The following TBC1D5 variants were observed in gnomAD, a reference collection of about 807,000 sequenced individuals.
The protein encoded by TBC1D5 is TBC1 domain family, member 5.
TBC1D5 carries 75 observed loss-of-function variants against 100.3 expected under a neutral mutation model. That is an observed-to-expected ratio of 0.75 (90% CI 0.62 to 0.91). The LOEUF (loss-of-function observed/expected upper bound fraction) is 0.91. Among genes scored for constraint, TBC1D5 ranks in the 40% least tolerant of loss-of-function variants. The pLI is 0.00. For synonymous variants in TBC1D5, 323 were observed against 325.6 expected (o/e 0.99, Z 0.09); for missense variants, 910 against 942.4 (o/e 0.97, Z 0.45).
intron 4 of TBC1D5, among the ~76,000 whole-genome samples, chr3:17,426,910 G>A (rs528966510): frequency 2.6e-5 from 4 of 151,762 alleles, no homozygotes; most frequent in Non-Finnish European, 4.4e-5. Context: ...ATGTTTAATC[G>A]TGTTTATACC....
At chr3:17,503,346 C>T (rs1341298081) in intron 3 of TBC1D5, among the ~76,000 whole-genome samples, 3 of 149,504 alleles carry the variant, frequency 2.0e-5, no homozygotes, top group African/African-American at 5.1e-5. Flanking sequence ...GATTCTCTAC[C>T]AATATACTCA....
intron 15 of TBC1D5, among the ~76,000 whole-genome samples, chr3:17,287,473 G>A (rs1307680575): frequency 6.6e-6 from 1 of 152,174 alleles, no homozygotes; most frequent in African/African-American, 2.4e-5. Flanking sequence ...TCCGAGGAGG[G>A]AATGAATAGA....
At chr3:17,329,028 T>C (rs937159067) in intron 13 of TBC1D5, among the ~76,000 whole-genome samples, 4 of 152,220 alleles carry the variant, frequency 2.6e-5, no homozygotes, top group Admixed American at 1.3e-4. Flanking sequence ...AGATACTTCC[T>C]GACTCTACAA....
At chr3:17,436,860 A>T (rs1266213538) in intron 3 of TBC1D5, among the ~76,000 whole-genome samples, 1 of 152,220 alleles carries the variant, frequency 6.6e-6, no homozygotes, top group Non-Finnish European at 1.5e-5. Flanking sequence ...TTAATTAATG[A>T]TTCTGCAACT....
chr3:17,506,033 A>AGG (rs2095841419), intron 3 of TBC1D5, among the ~76,000 whole-genome samples: 1 of 152,260 alleles, frequency 6.6e-6, no homozygotes. Flanking sequence ...ACTTCTACAC[A>AGG]GGCAAAGCAC....
chr3:17,641,904 T>C (rs973342059), intron 1 of TBC1D5, among the ~76,000 whole-genome samples: 11 of 152,118 alleles, frequency 7.2e-5, no homozygotes, highest in Non-Finnish European at 1.3e-4. Context: ...ATGACTTTTT[T>C]CCCCTACACA....
intron 1 of TBC1D5, among the ~76,000 whole-genome samples, chr3:17,657,595 A>C (rs746874712): frequency 1.3e-5 from 2 of 152,060 alleles, no homozygotes; most frequent in Non-Finnish European, 2.9e-5. Context: ...TCGGCCTCCC[A>C]AAGTGCTGGG....
At chr3:17,302,503 T>C (rs283939) in intron 14 of TBC1D5, among the ~76,000 whole-genome samples, 106,593 of 152,082 alleles carry the variant, frequency 0.7, 37,801 homozygotes, top group East Asian at 0.99. Flanking sequence ...CAGCCCATAA[T>C]GGGCCTTATT....
intron 14 of TBC1D5, among the ~76,000 whole-genome samples, chr3:17,293,481 G>C (rs2081957199): frequency 6.6e-6 from 1 of 152,072 alleles, no homozygotes; most frequent in Non-Finnish European, 1.5e-5. Context: ...TTGAATCCTG[G>C]GGCTTTATTT....
chr3:17,731,481 G>C (rs557477054), intron 1 of TBC1D5, among the ~76,000 whole-genome samples: 63 of 144,576 alleles, frequency 4.4e-4, no homozygotes, highest in Admixed American at 2.1e-4. Flanking sequence ...ACTCCAGCCC[G>C]GCGACAAAGC....
At chr3:17,205,268 T>A (rs2072012067) in intron 18 of TBC1D5, among the ~76,000 whole-genome samples, 1 of 152,212 alleles carries the variant, frequency 6.6e-6, no homozygotes, top group Non-Finnish European at 1.5e-5. Flanking sequence ...TTAGATGAAC[T>A]CTAGATTCCA....
At chr3:17,626,505 C>G (rs1451066416) in intron 1 of TBC1D5, among the ~76,000 whole-genome samples, 1 of 152,156 alleles carries the variant, frequency 6.6e-6, no homozygotes, top group African/African-American at 2.4e-5. Context: ...CAACATAGGA[C>G]TTAGACCCAA....
intron 1 of TBC1D5, among the ~76,000 whole-genome samples, chr3:17,702,706 A>G (rs2073384063): frequency 6.6e-6 from 1 of 152,196 alleles, no homozygotes; most frequent in South Asian, 2.1e-4. Flanking sequence ...AGATTGATGA[A>G]CAAAATTTAG....
At chr3:17,665,182 C>A (rs1209935931) in intron 1 of TBC1D5, among the ~76,000 whole-genome samples, 4 of 152,002 alleles carry the variant, frequency 2.6e-5, no homozygotes, top group African/African-American at 7.3e-5. Flanking sequence ...CTTGTGCTAG[C>A]CTTTAGGCTT....
intron 2 of TBC1D5, among the ~76,000 whole-genome samples, chr3:17,588,549 ATTTTCCTAATTT>A (rs1169172463): frequency 6.7e-6 from 1 of 150,348 alleles, no homozygotes; most frequent in East Asian, 1.9e-4. Flanking sequence ...CTGTTTTCAT[ATTTTCCTAATTT>A]TTTTCCTAAT....
chr3:17,308,651 T>C (rs1376092761), intron 13 of TBC1D5, among the ~76,000 whole-genome samples: 1 of 152,132 alleles, frequency 6.6e-6, no homozygotes, highest in Non-Finnish European at 1.5e-5. Context: ...AAAAAGCCAG[T>C]AGATAACCAT....
chr3:17,630,762 A>G (rs1182172214), intron 1 of TBC1D5, among the ~76,000 whole-genome samples: 1 of 152,022 alleles, frequency 6.6e-6, no homozygotes, highest in African/African-American at 2.4e-5. Flanking sequence ...CAGGCTGGGC[A>G]CGGTGGCTCA....
chr3:17,687,330 T>C (rs768074447), intron 1 of TBC1D5, among the ~76,000 whole-genome samples: 1 of 152,172 alleles, frequency 6.6e-6, no homozygotes, highest in African/African-American at 2.4e-5. Flanking sequence ...GGCTCACACC[T>C]GTAATCCCAA....
At chr3:17,214,090 T>C (rs2073321042) in intron 18 of TBC1D5, 117 bp downstream of exon 19, 2 of 977,324 alleles carry the variant, frequency 2.0e-6, no homozygotes, top group Non-Finnish European at 2.8e-6. Context: ...ATAATTCCTT[T>C]TAGTCCATAA....
Sources: gnomAD v4.1 joint callset for allele counts (sites outside exome capture counted in the v4.1 genomes callset) on GRCh38, gnomAD v4.1.1 for gene constraint, MANE v1.5 for transcripts, NCBI Gene and HGNC (gene_info 2026-07-23, HGNC 2026-07-21) for gene names.